Variants in SRRM3 observed in about 807,000 individuals in gnomAD.
The protein encoded by SRRM3 is serine/arginine repetitive matrix protein 3.
In SRRM3, 27 loss-of-function variants were observed where a neutral mutation model predicts 66.2. The ratio of observed to expected loss-of-function variants is 0.41; its 90% CI spans 0.30 to 0.56. The LOEUF (loss-of-function observed/expected upper bound fraction) is 0.56, where lower values mean the gene tolerates loss of function less well. Among genes scored for constraint, SRRM3 ranks in the 20% least tolerant of loss-of-function variants. SRRM3 has a pLI of 0.32. For missense variants in SRRM3, 918 were observed against 991.9 expected (o/e 0.93, Z 1.00); for synonymous variants, 391 against 414.9 (o/e 0.94, Z 0.70).
At chr7:76,213,476 G>GAGGTTGCAC (rs1800486445) in intron 1 of SRRM3, among the ~76,000 whole-genome samples, 1 of 152,198 alleles carries the variant, frequency 6.6e-6, no homozygotes, top group Non-Finnish European at 1.5e-5. Flanking sequence ...ACATCGCCCA[G>GAGGTTGCAC]CTAAGAAGTG....
chr7:76,255,148 C>CTTTCTTTTTTTTT (rs1447372520), intron 3 of SRRM3, among the ~76,000 whole-genome samples: 6 of 83,176 alleles, frequency 7.2e-5, no homozygotes, highest in East Asian at 4.4e-4. Flanking sequence ...TTCTTTCTTT[C>CTTTCTTTTTTTTT]TTTTTTTTTT....
At chr7:76,252,835 T>C (rs1348567026) in intron 3 of SRRM3, among the ~76,000 whole-genome samples, 1 of 152,140 alleles carries the variant, frequency 6.6e-6, no homozygotes, top group Non-Finnish European at 1.5e-5. Flanking sequence ...TAAGGGGCTA[T>C]GAATGGGATT....
At chr7:76,213,102 C>G (rs1204832449) in intron 1 of SRRM3, among the ~76,000 whole-genome samples, 1 of 146,726 alleles carries the variant, frequency 6.8e-6, no homozygotes, top group Non-Finnish European at 1.5e-5. Flanking sequence ...CTCCACCTCT[C>G]AGGTTCAAGC....
rs61538426 is a variant in SRRM3, at chr7:76,244,546, TGAAGAAGAA to T, written c.234-3634_234-3626del. ...CTCAAAAAAAAAAAAAAAAAAAAGTTGAAGAAGAAGAAGAAGTAGGTGATGCTTCTTACC... is the reference window on the plus strand; with the variant it reads ...CTCAAAAAAAAAAAAAAAAAAAAGTTGAAGAAGTAGGTGATGCTTCTTACC... On this transcript the variant is annotated intron_variant, in intron 2 of 14. Transcript: ENST00000611745. Among the ~76,000 whole-genome samples the T allele has an allele frequency of 3.5e-5, 5 of 143,006 alleles. No homozygotes were observed. The East Asian group carries it at 1.0e-3, about 30-fold the overall frequency. The allele number at this position is 143,006 out of a possible 152,430, so 93.8% of individuals were successfully genotyped here. A position where few individuals can be genotyped will look rare whatever the true frequency, so the allele number is the denominator to read the frequency against.
intron 1 of SRRM3, among the ~76,000 whole-genome samples, chr7:76,213,197 A>T (rs1024053085): frequency 1.7e-4 from 26 of 150,542 alleles, no homozygotes; most frequent in African/African-American, 6.1e-4. Context: ...TTTTAGTAGA[A>T]ACGGGGTTTC....
chr7:76,228,453 G>C (rs539802952), intron 1 of SRRM3, among the ~76,000 whole-genome samples: 1 of 152,056 alleles, frequency 6.6e-6, no homozygotes, highest in Non-Finnish European at 1.5e-5. Flanking sequence ...TGCTGGGCGC[G>C]GTGGCTCAAG....
chr7:76,230,825 A>G (rs1324655768), intron 1 of SRRM3, among the ~76,000 whole-genome samples: 1 of 150,008 alleles, frequency 6.7e-6, no homozygotes, highest in Non-Finnish European at 1.5e-5. Flanking sequence ...ATCTCAGCTC[A>G]CTGCAACCTC....
At position 76,235,198 on chromosome 7, in the gene SRRM3, G is replaced by C. The variant is rs782766865; in HGVS notation, c.132G>C (p.Pro44=). Residue 44 remains proline (P), a synonymous_variant, in exon 2 of 15, where the codon CCG becomes CCC. Transcript: ENST00000611745. The stretch of plus-strand genomic sequence containing the variant: ...AAGAGGAGCTGCGCGCCGCGGAGCC[G>C]GGCCTGGTGAAGCGCGCGCACCGCG... ...RAEEELRAAE[P]GLVKRAHREI... 6 of 1,550,754 alleles carry C rather than the reference G, an allele frequency of 3.9e-6. No individual in the cohort carries two copies. Among genetic ancestry groups the C allele is most frequent in the African/African-American group, 1.4e-5 (1 of 73,450 alleles).
intron 8 of SRRM3, among the ~76,000 whole-genome samples, chr7:76,262,244 AC>A (rs1272571535): frequency 2.6e-5 from 4 of 152,062 alleles, no homozygotes; most frequent in African/African-American, 7.2e-5. Context: ...GGTGGCTCAC[AC>A]CTATAATCCC....
intron 2 of SRRM3, among the ~76,000 whole-genome samples, chr7:76,239,290 T>C (rs1554605322): frequency 1.3e-5 from 2 of 152,156 alleles, no homozygotes. Flanking sequence ...CACCTCGGCC[T>C]CCCAAAGTGC....
chr7:76,216,682 G>A (rs533926911), intron 1 of SRRM3, among the ~76,000 whole-genome samples: 1 of 152,344 alleles, frequency 6.6e-6, no homozygotes, highest in African/African-American at 2.4e-5. Context: ...TTCTGGGGAG[G>A]AGAGGTTCCC....
chr7:76,284,133 A>T (rs1275749254), intron 14 of SRRM3, among the ~76,000 whole-genome samples: 1 of 151,438 alleles, frequency 6.6e-6, no homozygotes, highest in Non-Finnish European at 1.5e-5. Flanking sequence ...GCTCAAAGCC[A>T]GACCGCCTTG....
At position 76,260,005 on chromosome 7, in the gene SRRM3, C is replaced by T. The variant is rs781819353; in HGVS notation, c.435C>T (p.Ala145=). ...GCCCAGTGGACTGTGACTGCCCGGC[C>T]TCCTGCTACCGCGGCCACCGCGGGT... ...DDGPVDCDCP[A]SCYRGHRGYR... is the part of the protein sequence containing the mutation. Residue 145 remains alanine (A), a synonymous_variant, in exon 4 of 15, where the codon GCC becomes GCT. Coordinates refer to ENST00000611745, the MANE Select transcript of SRRM3 (RefSeq NM_001110199.3). 77 of 1,584,502 alleles carry T rather than the reference C, an allele frequency of 4.9e-5. No individual in the cohort carries two copies. The highest frequency in any genetic ancestry group is 6.2e-5 in the Non-Finnish European group (73 of 1,171,090).
intron 8 of SRRM3, among the ~76,000 whole-genome samples, chr7:76,262,532 A>C (rs1425692341): frequency 5.3e-5 from 8 of 151,216 alleles, no homozygotes; most frequent in Non-Finnish European, 8.8e-5. Flanking sequence ...AAAAAAAAAA[A>C]AAACAAAGTC....
chr7:76,219,059 G>A (rs1286243083), intron 1 of SRRM3, among the ~76,000 whole-genome samples: 2 of 152,024 alleles, frequency 1.3e-5, no homozygotes, highest in Admixed American at 6.6e-5. Flanking sequence ...TGTTGGCTAG[G>A]CTGGTCTTGA....
At position 76,265,401 on chromosome 7, in the gene SRRM3, C is replaced by A. The variant is rs1207102221; in HGVS notation, c.763C>A (p.His255Asn). Reference sequence around the variant, plus strand: ...GTCCCCAGGCCGGAGGTCTCATCGCCATAGCAGTGGCAGCTCCCACAGCCC... The same window carrying A: ...GTCCCCAGGCCGGAGGTCTCATCGCAATAGCAGTGGCAGCTCCCACAGCCC... ...TESPGRRSHR[H>N]SSGSSHSPSL... The change falls in exon 10 of 15, where the codon CAT becomes AAT. Residue 255 changes from histidine to asparagine, a missense_variant. His to Asn is a moderately conservative substitution (Grantham distance 68). Transcript: ENST00000611745. The A allele has an allele frequency of 1.2e-5, 19 of 1,605,326 alleles. No homozygotes were observed. The highest frequency in any genetic ancestry group is 3.4e-5 in the Admixed American group (2 of 58,856).
intron 5 of SRRM3, 32 bp downstream of exon 5, chr7:76,260,229 G>C: frequency 6.7e-7 from 1 of 1,500,886 alleles, no homozygotes; most frequent in East Asian, 2.6e-5. Flanking sequence ...AGCGGGAAGG[G>C]AGGAGGAGGT....
chr7:76,212,464 CTTTTT>C (rs1173761653), intron 1 of SRRM3, among the ~76,000 whole-genome samples: 2 of 98,080 alleles, frequency 2.0e-5, no homozygotes, highest in African/African-American at 4.2e-5. Context: ...GCAAGGTCTG[CTTTTT>C]TTTTTTTTTT....
At chr7:76,225,431 G>A (rs1262145014) in intron 1 of SRRM3, among the ~76,000 whole-genome samples, 2 of 130,568 alleles carry the variant, frequency 1.5e-5, no homozygotes, top group South Asian at 2.9e-4. Context: ...GCAAGGCCAG[G>A]AAAAAAAAGC....
Sources: gnomAD v4.1 joint callset for allele counts (sites outside exome capture counted in the v4.1 genomes callset) on GRCh38, gnomAD v4.1.1 for gene constraint, MANE v1.5 for transcripts, NCBI Gene and HGNC (gene_info 2026-07-23, HGNC 2026-07-21) for gene names.